The following MLLT10 variants were observed in gnomAD, a reference collection of about 807,000 sequenced individuals.
The protein encoded by MLLT10 is protein AF-10.
In MLLT10, 30 loss-of-function variants were observed where a neutral mutation model predicts 129.1. The ratio of observed to expected loss-of-function variants is 0.23; its 90% CI spans 0.17 to 0.32. The LOEUF is 0.32. Among genes scored for constraint, MLLT10 ranks in the 10% least tolerant of loss-of-function variants. MLLT10 has a pLI of 1.00. For missense variants in MLLT10, 1,119 were observed against 1,268.3 expected (o/e 0.88, Z 1.79); for synonymous variants, 490 against 446.4 (o/e 1.10, Z -1.23).
intron 5 of MLLT10, among the ~76,000 whole-genome samples, chr10:21,599,177 C>CA (rs561486770): frequency 0.036 from 3,641 of 101,292 alleles, 52 homozygotes; most frequent in Middle Eastern, 0.062. Flanking sequence ...GACTCCATCT[C>CA]AAAAAAAAAA....
chr10:21,741,942 C>T lies in MLLT10; in HGVS notation c.3166C>T (p.Leu1056Phe), dbSNP rs781125115. The change falls in exon 23 of 23, where the codon CTT (leucine) becomes TTT (phenylalanine). Residue 1056 changes from leucine (L) to phenylalanine (F), a missense_variant. Leu to Phe is a conservative substitution (Grantham distance 22, BLOSUM62 0). Transcript: ENST00000307729. ...CTGCTCTTTTGTTTACCTGCAGAGA[C>T]TTAGTGATAAAACTGGGCCTGTAGC... ...GDNASQKVAR[L>F]SDKTGPVAQE... 14 of 1,611,234 alleles carry T rather than the reference C, an allele frequency of 8.7e-6. No individual in the cohort carries two copies. Among genetic ancestry groups the T allele is most frequent in the Non-Finnish European group, 1.1e-5 (13 of 1,179,272 alleles).
chr10:21,601,779 A>T (rs756085594), intron 5 of MLLT10, among the ~76,000 whole-genome samples: 1 of 152,120 alleles, frequency 6.6e-6, no homozygotes, highest in Admixed American at 6.5e-5. Flanking sequence ...GCCTCAAGTT[A>T]TTCTTCGACC....
At chr10:21,595,041 A>T (rs1370352617) in intron 4 of MLLT10, among the ~76,000 whole-genome samples, 1 of 152,180 alleles carries the variant, frequency 6.6e-6, no homozygotes, top group Non-Finnish European at 1.5e-5. Context: ...GTTGATCTGA[A>T]TATTTAGTCT....
At chr10:21,722,068 A>G (rs2057172467) in intron 14 of MLLT10, among the ~76,000 whole-genome samples, 3 of 151,956 alleles carry the variant, frequency 2.0e-5, no homozygotes, top group East Asian at 1.9e-4. Context: ...TTATCCTTAC[A>G]TAAAGAGGAA....
At chr10:21,642,627 A>G (rs915752089) in intron 8 of MLLT10, among the ~76,000 whole-genome samples, 125 of 151,082 alleles carry the variant, frequency 8.3e-4, no homozygotes, top group Non-Finnish European at 1.5e-3. Flanking sequence ...ACTGCACTCC[A>G]GCCTGGCCAA....
At chr10:21,618,594 A>C (rs375062988) in intron 8 of MLLT10, among the ~76,000 whole-genome samples, 1 of 152,144 alleles carries the variant, frequency 6.6e-6, no homozygotes, top group East Asian at 1.9e-4. Context: ...TAAATTCTCT[A>C]TCATGAGTGA....
intron 14 of MLLT10, among the ~76,000 whole-genome samples, chr10:21,724,288 T>C (rs1024721846): frequency 1.3e-5 from 2 of 152,252 alleles, no homozygotes; most frequent in Non-Finnish European, 2.9e-5. Context: ...AGAAACTGTT[T>C]CCGTGAACCA....
chr10:21,707,227 C>G (rs1199235475), intron 13 of MLLT10, among the ~76,000 whole-genome samples: 1 of 138,792 alleles, frequency 7.2e-6, no homozygotes, highest in African/African-American at 2.8e-5. Context: ...GAGTTTCGCT[C>G]TGTTGCCCAG....
At chr10:21,712,304 T>TC (rs1421990873) in intron 13 of MLLT10, among the ~76,000 whole-genome samples, 10 of 152,024 alleles carry the variant, frequency 6.6e-5, no homozygotes, top group Admixed American at 3.9e-4. Context: ...ACCTTGAACT[T>TC]CCAGGCTCAA....
At chr10:21,712,661 A>G (rs1049401333) in intron 13 of MLLT10, among the ~76,000 whole-genome samples, 5 of 152,152 alleles carry the variant, frequency 3.3e-5, no homozygotes, top group African/African-American at 7.2e-5. Context: ...TATTAACACT[A>G]TGGGCCAGTT....
chr10:21,682,371 C>A, intron 13 of MLLT10, 114 bp downstream of exon 13: 2 of 973,646 alleles, frequency 2.1e-6, no homozygotes, highest in Non-Finnish European at 1.5e-6. Context: ...TCCAGTGCTG[C>A]AGTGAGTCAA....
chr10:21,589,408 G>A (rs1371885991), intron 4 of MLLT10, among the ~76,000 whole-genome samples: 1 of 150,642 alleles, frequency 6.6e-6, no homozygotes, highest in Non-Finnish European at 1.5e-5. Context: ...GCTCACTGTA[G>A]CTTTGTAGTC....
At chr10:21,576,618 G>A (rs1332418197) in intron 3 of MLLT10, among the ~76,000 whole-genome samples, 3 of 150,624 alleles carry the variant, frequency 2.0e-5, no homozygotes, top group Non-Finnish European at 4.4e-5. Context: ...TTTTCTATCC[G>A]TGCTAATACA....
intron 14 of MLLT10, among the ~76,000 whole-genome samples, chr10:21,717,027 C>T (rs777171623): frequency 2.0e-5 from 3 of 151,714 alleles, no homozygotes; most frequent in South Asian, 2.1e-4. Flanking sequence ...GAGGCCGAGG[C>T]GGGTGGATCA....
At chr10:21,672,624 A>G (rs914898552) in intron 10 of MLLT10, among the ~76,000 whole-genome samples, 3 of 152,100 alleles carry the variant, frequency 2.0e-5, no homozygotes, top group African/African-American at 7.2e-5. Context: ...TATATCTTAG[A>G]ATGGTATGGT....
chr10:21,591,311 A>G (rs1327908632), intron 4 of MLLT10, among the ~76,000 whole-genome samples: 3 of 152,172 alleles, frequency 2.0e-5, no homozygotes, highest in Non-Finnish European at 4.4e-5. Context: ...AACAGGCATG[A>G]ACCACTGTCC....
intron 8 of MLLT10, among the ~76,000 whole-genome samples, chr10:21,617,536 C>T (rs952972920): frequency 2.6e-5 from 4 of 152,034 alleles, no homozygotes; most frequent in African/African-American, 4.8e-5. Context: ...CTGATTTCTT[C>T]GCCTGTAAGT....
At chr10:21,534,019 C>G (rs1477676355), upstream of MLLT10, 1 of 157,324 alleles carries the variant, frequency 6.4e-6, no homozygotes, top group Non-Finnish European at 1.4e-5. Flanking sequence ...TCCCCGCCCC[C>G]GCGTGCGCGC....
chr10:21,571,149 A>G (rs1242715917), intron 3 of MLLT10, among the ~76,000 whole-genome samples: 1 of 151,878 alleles, frequency 6.6e-6, no homozygotes, highest in Admixed American at 6.6e-5. Context: ...TTCCTTTTGG[A>G]CTTTTGGGTA....
Sources: gnomAD v4.1 joint callset for allele counts (sites outside exome capture counted in the v4.1 genomes callset) on GRCh38, gnomAD v4.1.1 for gene constraint, MANE v1.5 for transcripts, NCBI Gene and HGNC (gene_info 2026-07-23, HGNC 2026-07-21) for gene names.